Variants in ARMC2 observed in about 807,000 individuals in gnomAD.
ARMC2 encodes the protein armadillo repeat-containing protein 2.
Under a neutral mutation model 90.3 loss-of-function variants are expected in ARMC2, and 67 were observed. That is an observed-to-expected ratio of 0.74 (90% confidence interval 0.61 to 0.91). The LOEUF (loss-of-function observed/expected upper bound fraction) is 0.91, where lower values mean the gene tolerates loss of function less well. Among genes scored for constraint, ARMC2 ranks in the 40% least tolerant of loss-of-function variants. ARMC2 has a pLI of 0.00. For missense variants in ARMC2, 920 were observed against 1,030.9 expected (o/e 0.89, Z 1.47); for synonymous variants, 393 against 393.0 (o/e 1.00, Z 0.00).
intron 5 of ARMC2, among the ~76,000 whole-genome samples, chr6:108,885,461 C>T (rs1169672155): frequency 6.6e-6 from 1 of 152,012 alleles, no homozygotes; most frequent in Non-Finnish European, 1.5e-5. Context: ...GATCTCAGCA[C>T]TTTGGGAGGC....
chr6:108,951,710 A>G (rs1416863366), intron 12 of ARMC2, among the ~76,000 whole-genome samples: 1 of 152,214 alleles, frequency 6.6e-6, no homozygotes, highest in Non-Finnish European at 1.5e-5. Context: ...GACGCCCCTC[A>G]CGGGGCCCCT....
intron 12 of ARMC2, among the ~76,000 whole-genome samples, chr6:108,948,079 G>A (rs1395965543): frequency 6.6e-6 from 1 of 152,130 alleles, no homozygotes; most frequent in Non-Finnish European, 1.5e-5. Flanking sequence ...GATGATTTTG[G>A]CCTTGGTTTA....
At chr6:108,989,516 TAG>T in the ARMC2 span, among the ~76,000 whole-genome samples, 2 of 148,348 alleles carry the variant, frequency 1.3e-5, no homozygotes, top group African/African-American at 2.5e-5. Flanking sequence ...TATATATATA[TAG>T]AGAGATATCT....
chr6:109,047,615 CG>C, the ARMC2 span, among the ~76,000 whole-genome samples: 1 of 132,590 alleles, frequency 7.5e-6, no homozygotes, highest in East Asian at 2.2e-4. Flanking sequence ...TCATTGAGAA[CG>C]GGCCAGGATG....
Position 108,868,973 on chromosome 6 carries a change from CA to C in ARMC2, c.442del (p.Arg148AspfsTer19). 6.2e-7 allele frequency: 1 copy of C among 1,613,200 alleles called. No individual in the cohort carries two copies. Among genetic ancestry groups the C allele is most frequent in the South Asian group, 1.1e-5 (1 of 90,958 alleles). On this transcript the variant is annotated frameshift_variant, in exon 4 of 18. Transcript: ENST00000392644. LOFTEE classifies it high-confidence loss of function. ...AASQRALLPD[R>X]SLPPSDSKKT... is the part of the protein sequence containing the mutation. ...CCTCCCAGCGGGCCCTTCTGCCGGA[CA>C]GATCCCTTCCTCCCTCCGACTGTAA... is the stretch of plus-strand genomic sequence containing the variant.
At chr6:109,015,961 T>A in the ARMC2 span, among the ~76,000 whole-genome samples, 154 of 152,328 alleles carry the variant, frequency 1.0e-3, 1 homozygote, top group African/African-American at 3.6e-3. Context: ...GTATGTAACC[T>A]ATAATTTTAA....
chr6:109,018,176 T>C, the ARMC2 span, among the ~76,000 whole-genome samples: 1 of 152,228 alleles, frequency 6.6e-6, no homozygotes, highest in Non-Finnish European at 1.5e-5. Flanking sequence ...ACACATACTT[T>C]AGAGATATTA....
At chr6:108,849,731 T>C (rs571362539) in intron 1 of ARMC2, among the ~76,000 whole-genome samples, 1 of 152,396 alleles carries the variant, frequency 6.6e-6, no homozygotes, top group East Asian at 1.9e-4. Flanking sequence ...GCTAACGCAC[T>C]TTACATGTAT....
chr6:108,982,791 T>G, the ARMC2 span, among the ~76,000 whole-genome samples: 1 of 151,910 alleles, frequency 6.6e-6, no homozygotes, highest in Admixed American at 6.6e-5. Flanking sequence ...GAGAAATGTC[T>G]ATTCAAGTCT....
chr6:108,893,438 G>A (rs1771292637), intron 5 of ARMC2, among the ~76,000 whole-genome samples: 2 of 152,042 alleles, frequency 1.3e-5, no homozygotes, highest in African/African-American at 4.8e-5. Flanking sequence ...TGGCCAGCTG[G>A]GACAGTTTCT....
intron 11 of ARMC2, among the ~76,000 whole-genome samples, chr6:108,929,790 C>A (rs758019191): frequency 2.0e-5 from 3 of 152,118 alleles, no homozygotes; most frequent in Non-Finnish European, 4.4e-5. Flanking sequence ...GCCTTCAAAT[C>A]TCTCACTTTT....
At chr6:109,045,103 G>A in the ARMC2 span, among the ~76,000 whole-genome samples, 303 of 151,698 alleles carry the variant, frequency 2.0e-3, 6 homozygotes, top group East Asian at 0.052. Flanking sequence ...CTATCTCCAC[G>A]AAGGCCTTCA....
chr6:108,934,607 A>G (rs1775815970), intron 11 of ARMC2, among the ~76,000 whole-genome samples: 1 of 152,140 alleles, frequency 6.6e-6, no homozygotes, highest in Admixed American at 6.6e-5. Context: ...ACTTGCTCAA[A>G]ATGCTATTTT....
At chr6:108,881,464 A>T (rs1777576428) in intron 5 of ARMC2, among the ~76,000 whole-genome samples, 1 of 152,128 alleles carries the variant, frequency 6.6e-6, no homozygotes, top group Non-Finnish European at 1.5e-5. Flanking sequence ...TTGAAAGTGG[A>T]CACATACCTT....
the ARMC2 span, among the ~76,000 whole-genome samples, chr6:109,001,125 G>A: frequency 3.3e-5 from 5 of 152,102 alleles, no homozygotes; most frequent in Non-Finnish European, 7.4e-5. Context: ...TGTTATACTT[G>A]AGAGCGTACT....
intron 11 of ARMC2, among the ~76,000 whole-genome samples, chr6:108,930,636 G>A (rs1469956497): frequency 1.4e-4 from 17 of 121,364 alleles, no homozygotes; most frequent in Admixed American, 3.3e-4. Context: ...TTACTCTGTC[G>A]CCCAGGCTGG....
chr6:108,917,291 C>T (rs1451213919), intron 10 of ARMC2, among the ~76,000 whole-genome samples: 1 of 152,110 alleles, frequency 6.6e-6, no homozygotes, highest in Non-Finnish European at 1.5e-5. Flanking sequence ...AGACACCTCC[C>T]TAGCAGCTCC....
chr6:109,039,305 T>C, the ARMC2 span, among the ~76,000 whole-genome samples: 1 of 152,220 alleles, frequency 6.6e-6, no homozygotes, highest in Non-Finnish European at 1.5e-5. Flanking sequence ...ATATACTGCA[T>C]AAATCATTTA....
chr6:108,981,533 T>C, the ARMC2 span, among the ~76,000 whole-genome samples: 5 of 152,200 alleles, frequency 3.3e-5, no homozygotes, highest in African/African-American at 1.2e-4. Flanking sequence ...TTCTATGAAT[T>C]TGACTACTTG....
Sources: gnomAD v4.1 joint callset for allele counts (sites outside exome capture counted in the v4.1 genomes callset) on GRCh38, gnomAD v4.1.1 for gene constraint, MANE v1.5 for transcripts, NCBI Gene and HGNC (gene_info 2026-07-23, HGNC 2026-07-21) for gene names.